Variants in WNT9A observed in about 807,000 individuals in gnomAD.
WNT9A encodes protein Wnt-9a.
WNT9A carries 8 observed loss-of-function variants against 31.4 expected under a neutral mutation model. The ratio of observed to expected loss-of-function variants is 0.26; its 90% CI spans 0.15 to 0.46. The LOEUF (loss-of-function observed/expected upper bound fraction) is 0.46. Ranked by LOEUF, WNT9A falls within the 20% of genes least tolerant of loss-of-function variation. The pLI is 0.99. For synonymous variants in WNT9A, 236 were observed against 220.1 expected (o/e 1.07, Z -0.64); for missense variants, 457 against 522.9 (o/e 0.87, Z 1.23).
At chr1:227,933,153 C>T (rs563905624) in intron 1 of WNT9A, among the ~76,000 whole-genome samples, 1 of 152,076 alleles carries the variant, frequency 6.6e-6, no homozygotes, top group East Asian at 1.9e-4. Flanking sequence ...TACTGTGGCC[C>T]CCTTCATCAT....
At chr1:227,937,186 C>T (rs759852009) in intron 1 of WNT9A, among the ~76,000 whole-genome samples, 4 of 152,190 alleles carry the variant, frequency 2.6e-5, no homozygotes, top group East Asian at 1.9e-4. Context: ...TGTGGTTTCC[C>T]GAGCCTTGCA....
At chr1:227,922,988 T>C (rs765031400) in intron 3 of WNT9A, among the ~76,000 whole-genome samples, 2 of 152,196 alleles carry the variant, frequency 1.3e-5, no homozygotes, top group African/African-American at 2.4e-5. Flanking sequence ...GTGGAGCTAA[T>C]GGAGCACCTT....
At chr1:227,936,634 C>CTTTT (rs35945819) in intron 1 of WNT9A, among the ~76,000 whole-genome samples, 8 of 148,650 alleles carry the variant, frequency 5.4e-5, no homozygotes, top group African/African-American at 2.0e-4. Context: ...TGCACCCAGT[C>CTTTT]TTTTTTTTTT....
chr1:227,941,331 G>A (rs1223934615), intron 1 of WNT9A, among the ~76,000 whole-genome samples: 2 of 152,152 alleles, frequency 1.3e-5, no homozygotes, highest in Non-Finnish European at 2.9e-5. Context: ...CGACCAGGGA[G>A]AGAAGGATGC....
At chr1:227,922,095 C>A in intron 3 of WNT9A, 95 bp from the exon 4 acceptor site, 1 of 1,494,316 alleles carries the variant, frequency 6.7e-7, no homozygotes, top group Admixed American at 2.3e-5. Flanking sequence ...GGACCCCACA[C>A]CCCCACCCAG....
intron 1 of WNT9A, among the ~76,000 whole-genome samples, chr1:227,944,788 G>C (rs142498120): frequency 0.01 from 1,595 of 152,252 alleles, 30 homozygotes; most frequent in African/African-American, 0.036. Flanking sequence ...TCGTGCCCCC[G>C]CAAAGTAACC....
At position 227,919,356 on chromosome 1, in the gene WNT9A, G is replaced by T. The variant is rs1666266375; in HGVS notation, c.*2162C>A. On this transcript the variant is annotated 3_prime_UTR_variant, in exon 4 of 4. Transcript: ENST00000272164. ...TCTTGCACCCACACTGTGGTACGGG[G>T]ATGCAGCTGCAGGCACATGTCGGGG... The T allele has an allele frequency of 6.6e-6, 1 of 152,278 alleles. No individual in the cohort carries two copies. The highest frequency in any genetic ancestry group is 2.1e-4 in the South Asian group (1 of 4,830). 9.4% of individuals were successfully genotyped at this position (152,278 alleles called of 1,614,324 possible).
chr1:227,925,455 C>A lies in WNT9A; in HGVS notation c.160G>T (p.Ala54Ser). The A allele has an allele frequency of 6.3e-7, 1 of 1,579,510 alleles. No homozygotes were observed. The highest frequency in any genetic ancestry group is 8.6e-7 in the Non-Finnish European group (1 of 1,167,064). The change falls in exon 2 of 4, where the codon GCG becomes TCG. Residue 54 changes from alanine to serine, a missense_variant. Transcript: ENST00000272164. The surrounding 1 kb of genome is among the most constrained non-coding windows in gnomAD (Gnocchi z 6.0). ...AGCCGGTCGCAGGCCTTGTAGTGCG[C>A]CTGGGCAGCCGCCTCTGGCTCCAGG... ...LTLEPEAAAQ[A>S]HYKACDRLKL...
chr1:227,936,008 C>T lies in WNT9A; in HGVS notation c.96-10489G>A, dbSNP rs556259770. Among the ~76,000 whole-genome samples the T allele has an allele frequency of 2.0e-5, 3 of 152,330 alleles. No homozygotes were observed. In the South Asian group the frequency reaches 6.2e-4, roughly 32 times the overall value. ...ACACTGTTTTATCAGTCAGCACTAC[C>T]TCCATGGCACCTTCAGAGCCCACGC... On this transcript the variant is annotated intron_variant, in intron 1 of 3. Transcript: ENST00000272164.
At chr1:227,939,451 C>T (rs1242493310) in intron 1 of WNT9A, among the ~76,000 whole-genome samples, 1 of 152,142 alleles carries the variant, frequency 6.6e-6, no homozygotes, top group African/African-American at 2.4e-5. Flanking sequence ...ATTGGGCCAC[C>T]CTGGGAGGAC....
chr1:227,936,169 T>A (rs534511755), intron 1 of WNT9A, among the ~76,000 whole-genome samples: 1 of 152,228 alleles, frequency 6.6e-6, no homozygotes, highest in South Asian at 2.1e-4. Flanking sequence ...CTGTCTTCAA[T>A]CTTGTGCAGT....
chr1:227,924,319 C>A lies in WNT9A; in HGVS notation c.434G>T (p.Arg145Leu), dbSNP rs139076976. The A allele has an allele frequency of 2.5e-6, 4 of 1,613,556 alleles. No homozygotes were observed. The highest frequency in any genetic ancestry group is 1.1e-5 in the South Asian group (1 of 91,078). The change falls in exon 3 of 4, where the codon CGC (arginine) becomes CTC (leucine). Residue 145 changes from arginine to leucine, a missense_variant. Physicochemically the swap from Arg to Leu is moderately radical, Grantham distance 102. Coordinates refer to ENST00000272164, the MANE Select transcript of WNT9A (RefSeq NM_003395.4). ...CTCATCGCAGGTACAGCGCTCCATG[C>A]GGCCCGCGCTGCACGCCTTGGCCAG... ...HALAKACSAGRMERCTCDEAP... is the reference protein window; with the variant it reads ...HALAKACSAGLMERCTCDEAP...
At position 227,925,571 on chromosome 1, in the gene WNT9A, C is replaced by T; in HGVS notation, c.96-52G>A. 6.9e-7 allele frequency: 1 copy of T among 1,455,416 alleles called. No homozygotes were observed. The highest frequency in any genetic ancestry group is 1.4e-5 in the South Asian group (1 of 70,980). 90.2% of individuals were successfully genotyped at this position (1,455,416 alleles called of 1,614,324 possible). A position where few individuals can be genotyped will look rare whatever the true frequency, so the allele number is the denominator to read the frequency against. On this transcript the variant is annotated intron_variant, in intron 1 of 3. Coordinates refer to ENST00000272164, the MANE Select transcript of WNT9A (RefSeq NM_003395.4). This position sits in a 1 kb window ranked among gnomAD's most constrained non-coding sequence, Gnocchi z 6.0. ...CCGGCCCCAGGAAGCCCTGCTGGAGCCTGGCCAGGTGTCTCGGTGGCCAGG... is the reference window on the plus strand; with the variant it reads ...CCGGCCCCAGGAAGCCCTGCTGGAGTCTGGCCAGGTGTCTCGGTGGCCAGG...
intron 1 of WNT9A, among the ~76,000 whole-genome samples, chr1:227,931,953 C>A (rs1424899097): frequency 6.6e-6 from 1 of 151,346 alleles, no homozygotes; most frequent in Non-Finnish European, 1.5e-5. Context: ...GAACTCCTGA[C>A]CTCTTGATCC....
chr1:227,940,132 T>C (rs1478672173), intron 1 of WNT9A, among the ~76,000 whole-genome samples: 13 of 152,138 alleles, frequency 8.5e-5, no homozygotes, highest in Admixed American at 8.5e-4. Context: ...GCCCTGTCTG[T>C]GTCTGCAGCA....
At position 227,922,035 on chromosome 1, in the gene WNT9A, G is replaced by C. The variant is rs367989166; in HGVS notation, c.616-35C>G. 88 of 1,567,062 alleles carry C rather than the reference G, an allele frequency of 5.6e-5. No homozygotes were observed. The African/African-American group carries it at 1.1e-3, about 20-fold the overall frequency. ...GGGTGCGGGAGGGAGGGCAGTGTGA[G>C]GGCTGTGCAGGTGGGCCCAGTGAGC... On this transcript the variant is annotated intron_variant, in intron 3 of 3. Transcript: ENST00000272164.
At chr1:227,946,874 C>G (rs1483018267) in intron 1 of WNT9A, among the ~76,000 whole-genome samples, 2 of 152,102 alleles carry the variant, frequency 1.3e-5, no homozygotes, top group Non-Finnish European at 2.9e-5. Context: ...GGGAGCGGCC[C>G]AGGGCGTCCA....
intron 1 of WNT9A, among the ~76,000 whole-genome samples, chr1:227,935,619 G>C (rs763923805): frequency 1.3e-5 from 2 of 152,220 alleles, no homozygotes; most frequent in Non-Finnish European, 2.9e-5. Flanking sequence ...ATCAACCCAG[G>C]CTTTCGCCTG....
chr1:227,936,219 C>T (rs1484386802), intron 1 of WNT9A, among the ~76,000 whole-genome samples: 2 of 151,802 alleles, frequency 1.3e-5, no homozygotes, highest in Non-Finnish European at 2.9e-5. Flanking sequence ...GACGGAGTCT[C>T]GCTCTGTTGC....
Sources: gnomAD v4.1 joint callset for allele counts (sites outside exome capture counted in the v4.1 genomes callset) on GRCh38, gnomAD v4.1.1 for gene constraint, Gnocchi (gnomAD v3.1) non-coding constraint, MANE v1.5 for transcripts, NCBI Gene and HGNC (gene_info 2026-07-23, HGNC 2026-07-21) for gene names.